NLRC5: variants seen among roughly 807,000 people sequenced by gnomAD.
NLRC5 encodes the protein protein NLRC5.
NLRC5 carries 114 observed loss-of-function variants against 206.9 expected under a neutral mutation model. That is an observed-to-expected ratio of 0.55 (90% CI 0.47 to 0.64). NLRC5 has a LOEUF of 0.64. Ranked by LOEUF, NLRC5 falls within the 30% of genes least tolerant of loss-of-function variation. The pLI is 0.00. For missense variants in NLRC5, 2,008 were observed against 2,305.5 expected, an observed-to-expected ratio of 0.87 and a Z score of 2.64; for synonymous variants, 952 against 962.8, an observed-to-expected ratio of 0.99 and a Z score of 0.21.
At chr16:57,072,665 C>A (rs2144964653) in intron 38 of NLRC5, among the ~76,000 whole-genome samples, 1 of 152,034 alleles carries the variant, frequency 6.6e-6, no homozygotes. Flanking sequence ...GAAAATTTAA[C>A]AGAATATCTT....
intron 46 of NLRC5, 120 bp from the exon 47 acceptor site, chr16:57,080,978 G>C: frequency 1.3e-6 from 1 of 770,620 alleles, no homozygotes; most frequent in Non-Finnish European, 2.1e-6. Context: ...CTATCAGGTG[G>C]CCTCTCTTGA....
intron 15 of NLRC5, among the ~76,000 whole-genome samples, chr16:57,039,318 A>G (rs2062989639): frequency 6.6e-6 from 1 of 152,222 alleles, no homozygotes; most frequent in African/African-American, 2.4e-5. Context: ...TCTGTGGTAG[A>G]AAGATTTCAG....
intron 32 of NLRC5, among the ~76,000 whole-genome samples, chr16:57,064,785 G>A (rs1233276791): frequency 2.6e-5 from 4 of 152,078 alleles, no homozygotes; most frequent in African/African-American, 9.7e-5. Context: ...TTAGCCAGGC[G>A]TGGTGGCGCA....
chr16:56,996,324 C>T (rs568459520), intron 1 of NLRC5, among the ~76,000 whole-genome samples: 10 of 152,162 alleles, frequency 6.6e-5, no homozygotes, highest in South Asian at 6.2e-4. Context: ...ACTACAGGTG[C>T]GCACCACCAC....
intron 1 of NLRC5, among the ~76,000 whole-genome samples, chr16:57,006,125 G>C (rs778021573): frequency 6.6e-6 from 1 of 151,122 alleles, no homozygotes; most frequent in Non-Finnish European, 1.5e-5. Context: ...CAACCTTGCG[G>C]GTAGCTTGGA....
intron 23 of NLRC5, among the ~76,000 whole-genome samples, chr16:57,050,220 A>C (rs1427395374): frequency 6.6e-6 from 1 of 152,160 alleles, no homozygotes; most frequent in South Asian, 2.1e-4. Flanking sequence ...ACCACCCTCA[A>C]TAAAGGCCCC....
At position 57,069,924 on chromosome 16, in the gene NLRC5, G is replaced by T; in HGVS notation, c.4583+5G>T. ...CCACCACTTGGAGGAGCTGGAGTGA[G>T]TTGCAGAGTGGAGGGATTGGGGACA... is the stretch of plus-strand genomic sequence containing the variant. On this transcript the variant is annotated splice_donor_5th_base_variant and intron_variant, in intron 37 of 48. Transcript: ENST00000688547. 6.4e-7 allele frequency: 1 copy of T among 1,568,836 alleles called. No homozygotes were observed. Among genetic ancestry groups the T allele is most frequent in the Non-Finnish European group, 8.6e-7 (1 of 1,157,466 alleles).
chr16:57,016,264 C>G (rs777110908), intron 1 of NLRC5, among the ~76,000 whole-genome samples: 22 of 152,092 alleles, frequency 1.4e-4, no homozygotes, highest in Non-Finnish European at 2.6e-4. Context: ...TGTTATTAGT[C>G]CCCCAGGACC....
intron 47 of NLRC5, 141 bp from the exon 48 acceptor site, chr16:57,081,386 G>C (rs2069124177): frequency 2.2e-6 from 2 of 922,682 alleles, no homozygotes; most frequent in East Asian, 4.8e-5. Context: ...CCAGTCCCCT[G>C]TTGTCTTTTG....
chr16:57,025,994 C>T lies in NLRC5; in HGVS notation c.1051C>T (p.Leu351=). Residue 351 remains leucine, a synonymous_variant, in exon 6 of 49, where the codon CTG becomes TTG. Transcript: ENST00000688547. ...RVMATSRPGK[L]PACLPAEAAM... ...GATGGCTACCTCCCGTCCAGGGAAG[C>T]TGCCTGCCTGCCTGCCTGCAGAGGC... is the stretch of plus-strand genomic sequence containing the variant. The T allele has an allele frequency of 6.2e-7, 1 of 1,612,956 alleles. No individual in the cohort carries two copies.
At chr16:57,071,406 T>G (rs1351448469) in intron 38 of NLRC5, among the ~76,000 whole-genome samples, 7 of 87,748 alleles carry the variant, frequency 8.0e-5, no homozygotes, top group South Asian at 4.2e-4. Context: ...TGGGGAAGTG[T>G]TGTGAGTGAG....
At chr16:57,077,824 C>A in intron 42 of NLRC5, 22 bp downstream of exon 42, 1 of 1,590,222 alleles carries the variant, frequency 6.3e-7, no homozygotes, top group Non-Finnish European at 8.6e-7. Flanking sequence ...CCCAGGTGGC[C>A]TCTGCCCTCT....
At position 57,025,378 on chromosome 16, in the gene NLRC5, G is replaced by A; in HGVS notation, c.435G>A (p.Lys145=). ...CCCTGCCCCTTGCAGAGTTGGCCAA[G>A]AAGTACCTGCAGCTCCTGCGGACCT... The part of the protein sequence containing the change: ...QCKKQQLELA[K]KYLQLLRTSA... The change falls in exon 6 of 49, where the codon AAG becomes AAA. Residue 145 remains lysine (K), a synonymous_variant. Coordinates refer to ENST00000688547, the MANE Select transcript of NLRC5 (RefSeq NM_001384950.1). The A allele has an allele frequency of 6.5e-7, 1 of 1,535,992 alleles. No homozygotes were observed.
intron 1 of NLRC5, chr16:56,990,563 C>T (rs1191555991): frequency 6.6e-6 from 1 of 152,148 alleles, no homozygotes; most frequent in Non-Finnish European, 1.5e-5. Context: ...GAGGCTCCTA[C>T]CTTCAGTGCC....
rs140158903 is a variant in NLRC5, at chr16:57,070,897, AGT to A, written c.4667+281_4667+282del. ...ATGGTGGTTAATGGGGAAGGGGGTG[AGT>A]GAGTGGTGATGGTGGTTAATGGGGA... On this transcript the variant is annotated intron_variant, in intron 38 of 48. Coordinates refer to ENST00000688547, the MANE Select transcript of NLRC5 (RefSeq NM_001384950.1). Among the ~76,000 whole-genome samples, 870 of 98,512 alleles carry A rather than the reference AGT, an allele frequency of 8.8e-3. 143 individuals carry two copies. Among genetic ancestry groups the A allele is most frequent in the African/African-American group, 0.047 (810 of 17,250 alleles). 64.6% of individuals were successfully genotyped at this position (98,512 alleles called of 152,430 possible).
chr16:57,067,573 G>A (rs761741861), intron 35 of NLRC5, 103 bp downstream of exon 35: 26 of 1,407,858 alleles, frequency 1.8e-5, no homozygotes, highest in Non-Finnish European at 2.4e-5. Context: ...CCTTGTGCAG[G>A]AGAAAATCAC....
At chr16:57,019,656 C>T (rs1413259498) in intron 2 of NLRC5, among the ~76,000 whole-genome samples, 1 of 152,192 alleles carries the variant, frequency 6.6e-6, no homozygotes, top group Non-Finnish European at 1.5e-5. Flanking sequence ...CAAGATCCAG[C>T]CATCCCATCA....
In NLRC5 at chr16:57,058,157, A is replaced by T. The variant is rs2065936445; in HGVS notation, c.3830+9A>T. On this transcript the variant is annotated intron_variant, in intron 28 of 48. Coordinates refer to ENST00000688547, the MANE Select transcript of NLRC5 (RefSeq NM_001384950.1). The stretch of plus-strand genomic sequence containing the variant: ...ATCTCCGGTTTGCTTGAGTAAGTGG[A>T]AAGCAGCATAAAGGACAGATAGCAA... The T allele has an allele frequency of 6.3e-7, 1 of 1,599,954 alleles. No homozygotes were observed. The highest frequency in any genetic ancestry group is 1.7e-5 in the Admixed American group (1 of 59,092).
intron 36 of NLRC5, among the ~76,000 whole-genome samples, chr16:57,069,167 G>T (rs1256911114): frequency 2.0e-5 from 3 of 152,186 alleles, no homozygotes; most frequent in South Asian, 4.1e-4. Flanking sequence ...TATGTATTAA[G>T]TCTTCCTCAA....
Sources: gnomAD v4.1 joint callset for allele counts (sites outside exome capture counted in the v4.1 genomes callset) on GRCh38, gnomAD v4.1.1 for gene constraint, MANE v1.5 for transcripts, NCBI Gene and HGNC (gene_info 2026-07-23, HGNC 2026-07-21) for gene names.